The following CCDC39 variants were observed in gnomAD, a reference collection of about 807,000 sequenced individuals.
The protein encoded by CCDC39 is coiled-coil domain 39 molecular ruler complex subunit, also known as coiled-coil domain-containing protein 39.
A neutral mutation model predicts 121.0 loss-of-function variants in CCDC39; 113 were observed. The ratio of observed to expected loss-of-function variants is 0.93; its 90% CI spans 0.80 to 1.09. CCDC39 has a LOEUF of 1.09. CCDC39 is among the 50% of genes least tolerant of loss of function. The pLI is 0.00. For missense variants in CCDC39, 1,063 were observed against 1,074.7 expected, an observed-to-expected ratio of 0.99 and a Z score of 0.15; for synonymous variants, 349 against 352.2, an observed-to-expected ratio of 0.99 and a Z score of 0.10.
At chr3:180,656,928 T>C (rs1185003558) in intron 6 of CCDC39, among the ~76,000 whole-genome samples, 1 of 152,318 alleles carries the variant, frequency 6.6e-6, no homozygotes, top group African/African-American at 2.4e-5. Flanking sequence ...GTTTAGCATA[T>C]AATCAAGAAA....
intron 7 of CCDC39, among the ~76,000 whole-genome samples, chr3:180,654,221 CAAAAAA>C (rs76424115): frequency 2.2e-5 from 1 of 44,926 alleles, no homozygotes; most frequent in Non-Finnish European, 4.4e-5. Flanking sequence ...TAGCCACACG[CAAAAAA>C]AAAAAAAAAA....
intron 13 of CCDC39, among the ~76,000 whole-genome samples, chr3:180,638,262 G>A (rs1717877331): frequency 6.6e-6 from 1 of 152,068 alleles, no homozygotes; most frequent in Admixed American, 6.6e-5. Context: ...TCATTAATCT[G>A]TAATCAGACT....
chr3:180,634,385 A>G (rs1373771244), intron 13 of CCDC39, among the ~76,000 whole-genome samples: 2 of 151,962 alleles, frequency 1.3e-5, no homozygotes, highest in South Asian at 4.2e-4. Flanking sequence ...TCACATAAAC[A>G]CCCACTGCTC....
intron 12 of CCDC39, among the ~76,000 whole-genome samples, chr3:180,643,256 G>A (rs141131712): frequency 0.018 from 2,798 of 151,990 alleles, 100 homozygotes; most frequent in African/African-American, 0.065. Context: ...ACCGTGCCCG[G>A]CCGACAGAGA....
At chr3:180,651,132 T>C (rs943967327) in intron 9 of CCDC39, among the ~76,000 whole-genome samples, 1 of 151,820 alleles carries the variant, frequency 6.6e-6, no homozygotes, top group Non-Finnish European at 1.5e-5. Flanking sequence ...GAGGCGGAGG[T>C]TGCAGTGAGC....
At chr3:180,660,781 T>C (rs1711724355) in intron 3 of CCDC39, 53 bp from the exon 4 acceptor site, 1 of 1,512,852 alleles carries the variant, frequency 6.6e-7, no homozygotes, top group African/African-American at 1.4e-5. Flanking sequence ...TTACTTACTA[T>C]ACAGACTAAA....
intron 1 of CCDC39, among the ~76,000 whole-genome samples, chr3:180,667,627 C>T (rs1711921236): frequency 6.6e-6 from 1 of 152,164 alleles, no homozygotes; most frequent in African/African-American, 2.4e-5. Flanking sequence ...GTTCTGACTG[C>T]ACCACTGATC....
rs58774466 is a variant in CCDC39, at chr3:180,616,088, G to C, written c.2669+193C>G. Among the ~76,000 whole-genome samples the C allele has an allele frequency of 0.19, 28,234 of 152,158 alleles. 2,816 individuals are homozygous for C. The highest frequency in any genetic ancestry group is 0.21 in the Non-Finnish European group (14,203 of 67,992). ...TAGTGACACCAGCAGAAGTCAGAAG[G>C]AAATTCTTGTTCTGCTGGCTGTTTC... is the stretch of plus-strand genomic sequence containing the variant. On this transcript the variant is annotated intron_variant, in intron 19 of 19. Coordinates refer to ENST00000476379, the MANE Select transcript of CCDC39 (RefSeq NM_181426.2).
chr3:180,615,247 C>T (rs906919848), intron 19 of CCDC39, among the ~76,000 whole-genome samples, 170 bp from the exon 20 acceptor site: 1 of 151,876 alleles, frequency 6.6e-6, no homozygotes, highest in Non-Finnish European at 1.5e-5. Context: ...ACAATTTAAA[C>T]AGGAAAGGAA....
chr3:180,644,323 C>CA, intron 11 of CCDC39, 66 bp from the exon 12 acceptor site: 6 of 934,708 alleles, frequency 6.4e-6, no homozygotes, highest in Non-Finnish European at 9.5e-6. Context: ...TAAATACATG[C>CA]TGTATTATAT....
At chr3:180,629,647 C>A (rs1717648721) in intron 14 of CCDC39, among the ~76,000 whole-genome samples, 1 of 152,132 alleles carries the variant, frequency 6.6e-6, no homozygotes, top group Non-Finnish European at 1.5e-5. Flanking sequence ...CATTTTTACA[C>A]ATCTGAGACT....
chr3:180,661,653 T>C (rs1048928728), intron 3 of CCDC39, among the ~76,000 whole-genome samples: 11 of 152,084 alleles, frequency 7.2e-5, no homozygotes, highest in African/African-American at 2.2e-4. Context: ...AAGTAGCTGA[T>C]GAATGAATAA....
intron 6 of CCDC39, among the ~76,000 whole-genome samples, chr3:180,656,891 G>C (rs1711592408): frequency 6.6e-6 from 1 of 152,182 alleles, no homozygotes; most frequent in Admixed American, 6.5e-5. Context: ...TGGTCTAAAA[G>C]GGGGAGGCAT....
At chr3:180,639,365 T>C (rs1251448290) in intron 13 of CCDC39, among the ~76,000 whole-genome samples, 1 of 152,082 alleles carries the variant, frequency 6.6e-6, no homozygotes, top group African/African-American at 2.4e-5. Flanking sequence ...AAACTATGAC[T>C]GGAAGCAGCC....
At chr3:180,623,049 C>A (rs549466530) in intron 14 of CCDC39, among the ~76,000 whole-genome samples, 2 of 150,298 alleles carry the variant, frequency 1.3e-5, no homozygotes, top group African/African-American at 2.5e-5. Context: ...ACATCTTACC[C>A]TGGGCTTTTT....
intron 19 of CCDC39, among the ~76,000 whole-genome samples, chr3:180,615,317 A>C (rs1455283698): frequency 6.6e-6 from 1 of 152,174 alleles, no homozygotes; most frequent in Non-Finnish European, 1.5e-5. Flanking sequence ...ATGTTCCTAC[A>C]TGGTAAAAAT....
At chr3:180,627,599 A>T (rs1046628078) in intron 14 of CCDC39, among the ~76,000 whole-genome samples, 1 of 152,226 alleles carries the variant, frequency 6.6e-6, no homozygotes, top group Non-Finnish European at 1.5e-5. Context: ...ATTAAATTGC[A>T]GTCAGAACTA....
intron 14 of CCDC39, among the ~76,000 whole-genome samples, chr3:180,624,279 C>T (rs868226504): frequency 3.3e-5 from 5 of 151,938 alleles, no homozygotes; most frequent in Admixed American, 6.6e-5. Flanking sequence ...CTTTTTCCAC[C>T]CCTTTACTTT....
intron 13 of CCDC39, 74 bp from the exon 14 acceptor site, chr3:180,631,666 T>C: frequency 4.8e-6 from 6 of 1,263,064 alleles, no homozygotes; most frequent in Non-Finnish European, 5.5e-6. Context: ...AGTGTTCTTA[T>C]TGAAGACATT....
Sources: gnomAD v4.1 joint callset for allele counts (sites outside exome capture counted in the v4.1 genomes callset) on GRCh38, gnomAD v4.1.1 for gene constraint, MANE v1.5 for transcripts, NCBI Gene and HGNC (gene_info 2026-07-23, HGNC 2026-07-21) for gene names.